The following TRIM24 variants were observed in gnomAD, a reference collection of about 807,000 sequenced individuals.
TRIM24 encodes tripartite motif containing 24, also known as transcription intermediary factor 1-alpha.
TRIM24 carries 29 observed loss-of-function variants against 123.9 expected under a neutral mutation model. The observed-to-expected ratio is 0.23, with a 90% CI of 0.17 to 0.32. The LOEUF (loss-of-function observed/expected upper bound fraction) is 0.32. Ranked by LOEUF, TRIM24 falls within the 10% of genes least tolerant of loss-of-function variation. The pLI is 1.00. For synonymous variants in TRIM24, 456 were observed against 461.1 expected, an observed-to-expected ratio of 0.99 and a Z score of 0.14; for missense variants, 932 against 1,295.3, an observed-to-expected ratio of 0.72 and a Z score of 4.31.
At chr7:138,567,398 G>A in intron 9 of TRIM24, 83 bp from the exon 10 acceptor site, 1 of 1,299,376 alleles carries the variant, frequency 7.7e-7, no homozygotes, top group Non-Finnish European at 1.0e-6. Flanking sequence ...CTATTTTTCT[G>A]TAAAAGTTTT....
At chr7:138,566,314 G>A (rs192985781) in intron 9 of TRIM24, among the ~76,000 whole-genome samples, 62 of 152,114 alleles carry the variant, frequency 4.1e-4, no homozygotes, top group South Asian at 4.1e-4. Context: ...TCAGGAGTTC[G>A]AAACCAGCCT....
At chr7:138,559,380 G>A (rs1427025498) in intron 9 of TRIM24, among the ~76,000 whole-genome samples, 2 of 152,192 alleles carry the variant, frequency 1.3e-5, no homozygotes, top group Non-Finnish European at 2.9e-5. Flanking sequence ...AGAGTAGCAT[G>A]TTTATACCCA....
At chr7:138,462,576 G>A (rs1459790314) in intron 1 of TRIM24, among the ~76,000 whole-genome samples, 8 of 151,776 alleles carry the variant, frequency 5.3e-5, no homozygotes, top group South Asian at 2.1e-4. Context: ...TCCTGACCTC[G>A]TGATCCGCCC....
At chr7:138,575,509 T>TTTTA (rs1474725498) in intron 12 of TRIM24, among the ~76,000 whole-genome samples, 3 of 150,170 alleles carry the variant, frequency 2.0e-5, no homozygotes, top group African/African-American at 7.4e-5. Context: ...TGTCCAGGCC[T>TTTTA]TTTATTTTTA....
At chr7:138,474,074 C>T (rs1040734958) in intron 1 of TRIM24, among the ~76,000 whole-genome samples, 5 of 151,998 alleles carry the variant, frequency 3.3e-5, no homozygotes, top group Admixed American at 1.3e-4. Context: ...CCCAGTTGAG[C>T]ACTTTTTTAT....
At chr7:138,550,465 T>C (rs535047985) in intron 7 of TRIM24, among the ~76,000 whole-genome samples, 53 of 152,200 alleles carry the variant, frequency 3.5e-4, no homozygotes, top group Middle Eastern at 3.4e-3. Context: ...ATGTTGGAGA[T>C]GGTAATAGTG....
chr7:138,501,887 C>CAAAAAAAAAAAAAAA (rs561303066), intron 1 of TRIM24, among the ~76,000 whole-genome samples: 6 of 136,540 alleles, frequency 4.4e-5, no homozygotes, highest in African/African-American at 1.7e-4. Context: ...GACTCCGTCT[C>CAAAAAAAAAAAAAAA]AAAAAAAAAA....
chr7:138,580,884 T>G (rs957500537), intron 16 of TRIM24, among the ~76,000 whole-genome samples, 190 bp downstream of exon 16: 2 of 152,134 alleles, frequency 1.3e-5, no homozygotes, highest in African/African-American at 4.8e-5. Flanking sequence ...ATCACAGAAT[T>G]AATGCATGTA....
chr7:138,504,309 A>G lies in TRIM24; in HGVS notation c.384A>G (p.Pro128=). Residue 128 remains proline (P), a synonymous_variant, in exon 2 of 19, where the codon CCA becomes CCG. Coordinates refer to ENST00000343526, the MANE Select transcript of TRIM24 (RefSeq NM_015905.3). ...TCCCAGTTGGAGTCATTCGTTGCCC[A>G]GTTTGCAGCCAAGAATGTGCAGAGA... ...FATQVGVIRC[P]VCSQECAERH... The G allele has an allele frequency of 1.3e-6, 2 of 1,592,080 alleles. No individual in the cohort carries two copies. Among genetic ancestry groups the G allele is most frequent in the Non-Finnish European group, 1.7e-6 (2 of 1,172,252 alleles).
intron 7 of TRIM24, among the ~76,000 whole-genome samples, chr7:138,545,300 C>T (rs923590821): frequency 6.6e-6 from 1 of 152,062 alleles, no homozygotes; most frequent in Non-Finnish European, 1.5e-5. Flanking sequence ...GGTTGGGGAA[C>T]CGCAACAGGC....
At chr7:138,492,652 G>A (rs1795820416) in intron 1 of TRIM24, among the ~76,000 whole-genome samples, 1 of 152,166 alleles carries the variant, frequency 6.6e-6, no homozygotes, top group Non-Finnish European at 1.5e-5. Context: ...ATAGTTTGGG[G>A]AAAGTCTCAA....
At position 138,577,593 on chromosome 7, in the gene TRIM24, T is replaced by G. The variant is rs779586831; in HGVS notation, c.2256+5T>G. 6.3e-7 allele frequency: 1 copy of G among 1,596,678 alleles called. No individual in the cohort carries two copies. The highest frequency in any genetic ancestry group is 8.5e-7 in the Non-Finnish European group (1 of 1,172,434). ...GAAGAATCTAGGCCTCAAAATGTAA[T>G]TATGAATGCTTGCAATGCTATTCCT... is the stretch of plus-strand genomic sequence containing the variant. On this transcript the variant is annotated splice_donor_5th_base_variant and intron_variant, in intron 14 of 18. Transcript: ENST00000343526.
chr7:138,462,732 T>C (rs530336659), intron 1 of TRIM24, among the ~76,000 whole-genome samples: 1 of 152,314 alleles, frequency 6.6e-6, no homozygotes, highest in East Asian at 1.9e-4. Flanking sequence ...TCTGTCACCA[T>C]CCATGAAACT....
At chr7:138,521,781 C>T (rs972047656) in intron 4 of TRIM24, among the ~76,000 whole-genome samples, 8 of 152,098 alleles carry the variant, frequency 5.3e-5, no homozygotes, top group Admixed American at 5.2e-4. Context: ...TAACCAAAGG[C>T]AAGATGGTAT....
chr7:138,503,985 C>T lies in TRIM24; in HGVS notation c.365-305C>T, dbSNP rs547611345. On this transcript the variant is annotated intron_variant, in intron 1 of 18. Transcript: ENST00000343526. ...TGAAAATCTCCCATATGGTTCTGTA[C>T]GTTTCTGTTGGAAAACCACTGCTAG... 9.5e-4 allele frequency among the ~76,000 whole-genome samples: 145 copies of T among 152,224 alleles called. 1 individual carries two copies. The highest frequency in any genetic ancestry group is 3.2e-3 in the African/African-American group (135 of 41,550).
intron 1 of TRIM24, among the ~76,000 whole-genome samples, chr7:138,482,292 C>T (rs997722166): frequency 6.6e-6 from 1 of 152,128 alleles, no homozygotes; most frequent in African/African-American, 2.4e-5. Flanking sequence ...TATGTAACCC[C>T]TTACCAATAC....
At chr7:138,467,575 T>G (rs1229197927) in intron 1 of TRIM24, among the ~76,000 whole-genome samples, 4 of 152,108 alleles carry the variant, frequency 2.6e-5, no homozygotes, top group Non-Finnish European at 5.9e-5. Flanking sequence ...TCTCTTGACC[T>G]GGTGATCTGC....
chr7:138,460,790 G>A lies in TRIM24; in HGVS notation c.242G>A (p.Cys81Tyr). 6.3e-7 allele frequency: 1 copy of A among 1,583,292 alleles called. No homozygotes were observed. Among genetic ancestry groups the A allele is most frequent in the Non-Finnish European group, 8.6e-7 (1 of 1,168,110 alleles). The part of the protein sequence containing the change: ...LPCLHSFCQR[C>Y]LPAPQRYLML... ...TGCCTGCACTCTTTCTGCCAGCGCT[G>A]CCTGCCCGCGCCCCAGCGCTACCTC... is the stretch of plus-strand genomic sequence containing the variant. Residue 81 changes from cysteine (C) to tyrosine (Y), a missense_variant, in exon 1 of 19, where the codon TGC becomes TAC. By Grantham distance (194) the Cys-to-Tyr change is radical. Transcript: ENST00000343526.
chr7:138,536,936 C>T (rs181527400), intron 6 of TRIM24, among the ~76,000 whole-genome samples: 95 of 152,320 alleles, frequency 6.2e-4, no homozygotes, highest in African/African-American at 2.1e-3. Context: ...TCCCCAGCCT[C>T]GCTGCCGCCT....
Sources: gnomAD v4.1 joint callset for allele counts (sites outside exome capture counted in the v4.1 genomes callset) on GRCh38, gnomAD v4.1.1 for gene constraint, MANE v1.5 for transcripts, NCBI Gene and HGNC (gene_info 2026-07-23, HGNC 2026-07-21) for gene names.